Variants in HRH2 observed in about 807,000 individuals in gnomAD.
The protein encoded by HRH2 is histamine H2 receptor.
Under a neutral mutation model 20.1 loss-of-function variants are expected in HRH2, and 4 were observed. The ratio of observed to expected loss-of-function variants is 0.20; its 90% confidence interval spans 0.10 to 0.45. The LOEUF is 0.45. HRH2 is among the 20% of genes least tolerant of loss of function. The pLI is 0.99. For synonymous variants in HRH2, 197 were observed against 200.7 expected (o/e 0.98, Z 0.16); for missense variants, 250 against 461.6 (o/e 0.54, Z 4.20).
In HRH2 at chr5:175,677,593, T is replaced by C. The variant is rs1755802441; in HGVS notation, c.-525-5116T>C. On this transcript the variant is annotated intron_variant, in intron 1 of 2. Transcript: ENST00000636584. The surrounding 1 kb of genome is among the most constrained non-coding windows in gnomAD (Gnocchi z 4.2). ...AACACTAAAATAACTCCCTGCTTCC[T>C]TGCAACCCCAAAATAACCCCTCCCA... 6.6e-6 allele frequency among the ~76,000 whole-genome samples: 1 copy of C among 152,206 alleles called. No individual in the cohort carries two copies. The highest frequency in any genetic ancestry group is 2.1e-4 in the South Asian group (1 of 4,836).
At chr5:175,696,739 C>T (rs1756597835) in intron 2 of HRH2, among the ~76,000 whole-genome samples, 1 of 152,228 alleles carries the variant, frequency 6.6e-6, no homozygotes, top group African/African-American at 2.4e-5. Context: ...CTCAGCGCCG[C>T]CTACTGGCCG....
chr5:175,666,631 A>G (rs1156499447), intron 1 of HRH2, among the ~76,000 whole-genome samples: 1 of 152,194 alleles, frequency 6.6e-6, no homozygotes, highest in African/African-American at 2.4e-5. Flanking sequence ...AGGTTTCACC[A>G]TATTGCCCAG....
intron 2 of HRH2, among the ~76,000 whole-genome samples, chr5:175,684,812 G>T (rs779195782): frequency 6.6e-6 from 1 of 152,200 alleles, no homozygotes; most frequent in African/African-American, 2.4e-5. Flanking sequence ...TACCGTGGGG[G>T]GGGTGTAAGT....
At chr5:175,698,034 C>G (rs933012629) in intron 2 of HRH2, among the ~76,000 whole-genome samples, 4 of 152,254 alleles carry the variant, frequency 2.6e-5, no homozygotes, top group Non-Finnish European at 4.4e-5. Flanking sequence ...GGCAACACAC[C>G]CATGCACACT....
chr5:175,674,222 G>C (rs957932082), intron 1 of HRH2, among the ~76,000 whole-genome samples: 2 of 152,052 alleles, frequency 1.3e-5, no homozygotes, highest in Non-Finnish European at 2.9e-5. Context: ...TCTGCGGCAG[G>C]GGGGGTCTGG....
intron 2 of HRH2, among the ~76,000 whole-genome samples, chr5:175,694,142 G>A (rs962407886): frequency 2.0e-5 from 3 of 152,176 alleles, no homozygotes; most frequent in Admixed American, 6.5e-5. Flanking sequence ...GGAGCTTGGC[G>A]CACACACCTG....
chr5:175,670,977 C>T (rs374668392), intron 1 of HRH2, among the ~76,000 whole-genome samples: 2 of 152,238 alleles, frequency 1.3e-5, no homozygotes, highest in African/African-American at 4.8e-5. Flanking sequence ...CAGGGGCCAA[C>T]AGAGAAAGAA....
Position 175,683,272 on chromosome 5 carries a change from C to T in HRH2, c.39C>T (p.Asp13=). ...GCACAGCCTCTTCCTTTTGCCTGGACTCTACCGCATGCAAGATCACCATCA... is the reference window on the plus strand; with the variant it reads ...GCACAGCCTCTTCCTTTTGCCTGGATTCTACCGCATGCAAGATCACCATCA... ...PNGTASSFCL[D]STACKITITV... is the part of the protein sequence containing the mutation. The change falls in exon 2 of 3, where the codon GAC becomes GAT. Residue 13 remains aspartate, a synonymous_variant. Coordinates refer to ENST00000636584, the MANE Select transcript of HRH2 (RefSeq NM_001367711.1). The T allele has an allele frequency of 6.2e-7, 1 of 1,614,140 alleles. No homozygotes were observed. The highest frequency in any genetic ancestry group is 1.7e-5 in the Admixed American group (1 of 60,018).
chr5:175,700,058 C>T lies in HRH2; in HGVS notation c.1077-7721C>T, dbSNP rs2113557194. Among the ~76,000 whole-genome samples, 3 of 152,242 alleles carry T rather than the reference C, an allele frequency of 2.0e-5. No individual in the cohort carries two copies. In the South Asian group the frequency reaches 6.2e-4, roughly 32 times the overall value. The stretch of plus-strand genomic sequence containing the variant: ...GGAGAGAGACGGAGTTGTGTGAGAC[C>T]CAGCAGCAGGGGATGAGGAAGGCTC... On this transcript the variant is annotated intron_variant, in intron 2 of 2. Coordinates refer to ENST00000636584, the MANE Select transcript of HRH2 (RefSeq NM_001367711.1).
At chr5:175,699,310 A>G (rs76342882) in intron 2 of HRH2, among the ~76,000 whole-genome samples, 1 of 152,204 alleles carries the variant, frequency 6.6e-6, no homozygotes, top group Non-Finnish European at 1.5e-5. Flanking sequence ...GCCTAGAGAA[A>G]AGGGTCGCCT....
At chr5:175,695,198 C>G (rs567411834) in intron 2 of HRH2, among the ~76,000 whole-genome samples, 94 of 152,078 alleles carry the variant, frequency 6.2e-4, no homozygotes, top group Non-Finnish European at 1.2e-3. Context: ...GTAATTGTGA[C>G]TGCTGACCAT....
At chr5:175,691,661 C>T (rs1756388008) in intron 2 of HRH2, among the ~76,000 whole-genome samples, 2 of 151,614 alleles carry the variant, frequency 1.3e-5, no homozygotes, top group Non-Finnish European at 2.9e-5. Flanking sequence ...AGCAGGTGGA[C>T]CACCTAAGGT....
At chr5:175,701,975 C>T (rs1756800992) in intron 2 of HRH2, among the ~76,000 whole-genome samples, 1 of 152,144 alleles carries the variant, frequency 6.6e-6, no homozygotes, top group Non-Finnish European at 1.5e-5. Context: ...AGAATCTCTG[C>T]AAGTGGTAGG....
intron 1 of HRH2, among the ~76,000 whole-genome samples, chr5:175,679,562 C>T (rs1478901799): frequency 1.3e-5 from 2 of 152,252 alleles, no homozygotes; most frequent in South Asian, 2.1e-4. Flanking sequence ...CAGATCAACA[C>T]TCCAAGGCAG....
At chr5:175,699,457 G>A (rs1561740811) in intron 2 of HRH2, among the ~76,000 whole-genome samples, 2 of 152,224 alleles carry the variant, frequency 1.3e-5, no homozygotes, top group Non-Finnish European at 1.5e-5. Context: ...AGACCTGCCA[G>A]TTCCCAGGAT....
At chr5:175,694,429 A>T (rs1756499034) in intron 2 of HRH2, among the ~76,000 whole-genome samples, 1 of 151,704 alleles carries the variant, frequency 6.6e-6, no homozygotes, top group Admixed American at 6.6e-5. Context: ...TATCCATGGC[A>T]CCTGCGTGGA....
At chr5:175,663,646 G>A (rs1015431730) in intron 1 of HRH2, among the ~76,000 whole-genome samples, 9 of 152,110 alleles carry the variant, frequency 5.9e-5, no homozygotes, top group Non-Finnish European at 1.2e-4. Context: ...GTTCCCCACC[G>A]GCCCTTTGTA....
chr5:175,683,241 C>A lies in HRH2; in HGVS notation c.8C>A (p.Pro3His), dbSNP rs1756052775. The change falls in exon 2 of 3, where the codon CCC becomes CAC. Residue 3 changes from proline to histidine, a missense_variant. By Grantham distance (77) the Pro-to-His change is moderately conservative. Around this residue, in one of 5 missense-constraint regions of HRH2, gnomAD observed 24 missense variants for 22.9 expected, o/e 1.05. Transcript: ENST00000636584. ...GAGCCGTAGAGTCCCAGGATGGCAC[C>A]CAATGGCACAGCCTCTTCCTTTTGC... MA[P>H]NGTASSFCLD... is the part of the protein sequence containing the mutation. The A allele has an allele frequency of 3.1e-6, 5 of 1,613,420 alleles. No individual in the cohort carries two copies. The highest frequency in any genetic ancestry group is 3.4e-6 in the Non-Finnish European group (4 of 1,179,422).
intron 2 of HRH2, among the ~76,000 whole-genome samples, chr5:175,700,846 C>T (rs1443451249): frequency 6.6e-6 from 1 of 152,136 alleles, no homozygotes; most frequent in Non-Finnish European, 1.5e-5. Flanking sequence ...TGAGATCGTG[C>T]CACTGCACTC....
Sources: allele counts gnomAD v4.1 joint callset (sites outside exome capture counted in the v4.1 genomes callset), GRCh38; gene constraint gnomAD v4.1.1; regional missense constraint gnomAD v4.1.1; non-coding constraint Gnocchi (gnomAD v3.1); transcripts MANE v1.5; gene names NCBI Gene and HGNC (gene_info 2026-07-23, HGNC 2026-07-21).